Variants in GIMAP4 observed in about 807,000 individuals in gnomAD.
The protein encoded by GIMAP4 is GTPase, IMAP family member 4, also known as GTPase IMAP family member 4.
GIMAP4 carries 12 observed loss-of-function variants against 10.8 expected under a neutral mutation model. The observed-to-expected ratio is 1.11, with a 90% CI of 0.71 to 1.81. GIMAP4 has a LOEUF of 1.81. Ranked by LOEUF, GIMAP4 falls within the 40% of genes most tolerant of loss-of-function variation. The pLI, the probability that GIMAP4 is intolerant of heterozygous loss-of-function variation, is 0.00. For synonymous variants in GIMAP4, 149 were observed against 147.2 expected, an observed-to-expected ratio of 1.01 and a Z score of -0.09; for missense variants, 412 against 404.6, an observed-to-expected ratio of 1.02 and a Z score of -0.16.
At chr7:150,569,994 G>T in intron 2 of GIMAP4, 35 bp downstream of exon 2, 1 of 1,368,484 alleles carries the variant, frequency 7.3e-7, no homozygotes, top group Non-Finnish European at 1.0e-6. Flanking sequence ...AGACCAGGCT[G>T]CAGGGAGGTT....
At chr7:150,568,679 G>A (rs773981483) in intron 1 of GIMAP4, among the ~76,000 whole-genome samples, 3 of 152,136 alleles carry the variant, frequency 2.0e-5, no homozygotes, top group Admixed American at 6.5e-5. Context: ...AACAATGATC[G>A]ATAACCATTC....
At position 150,572,199 on chromosome 7, in the gene GIMAP4, A is replaced by G; in HGVS notation, c.129A>G (p.Lys43=). 5 of 1,614,160 alleles carry G rather than the reference A, an allele frequency of 3.1e-6. No homozygotes were observed. The highest frequency in any genetic ancestry group is 4.2e-6 in the Non-Finnish European group (5 of 1,179,982). Residue 43 remains lysine, a synonymous_variant, in exon 3 of 3, where the codon AAA becomes AAG. Coordinates refer to ENST00000255945, the MANE Select transcript of GIMAP4 (RefSeq NM_018326.3). ...IVLVGKTGAG[K]SATGNSILGR... Reference sequence around the variant, plus strand: ...TAGTGGGTAAAACCGGAGCAGGAAAAAGTGCAACAGGAAACAGCATCCTTG... The same window carrying G: ...TAGTGGGTAAAACCGGAGCAGGAAAGAGTGCAACAGGAAACAGCATCCTTG...
In GIMAP4 at chr7:150,573,909, A is replaced by G. The variant is rs1563319761; in HGVS notation, c.*849A>G. On this transcript the variant is annotated 3_prime_UTR_variant, in exon 3 of 3. Transcript: ENST00000255945. ...CACACTTCTGCCCCCACTGCATTGA[A>G]TTTTTTGCTTATGTTGTTTATAATA... The G allele has an allele frequency of 6.6e-6, 1 of 152,090 alleles. No individual in the cohort carries two copies. The highest frequency in any genetic ancestry group is 6.6e-5 in the Admixed American group (1 of 15,266). 9.4% of individuals were successfully genotyped at this position (152,090 alleles called of 1,614,324 possible). A position where few individuals can be genotyped will look rare whatever the true frequency, so the allele number is the denominator to read the frequency against.
chr7:150,571,695 C>T (rs1487478013), intron 2 of GIMAP4, among the ~76,000 whole-genome samples: 7 of 152,114 alleles, frequency 4.6e-5, no homozygotes, highest in African/African-American at 2.4e-5. Flanking sequence ...GCAGGAGAAT[C>T]GCTTGAACCC....
In GIMAP4 at chr7:150,572,319, A is replaced by G; in HGVS notation, c.249A>G (p.Val83=). 2.5e-6 allele frequency: 4 copies of G among 1,614,134 alleles called. No homozygotes were observed. The highest frequency in any genetic ancestry group is 3.4e-6 in the Non-Finnish European group (4 of 1,179,968). ...CATGGAAGGAAACAGAACTTGTCGT[A>G]GTTGACACACCAGGCATTTTCGACA... ...SSSWKETELV[V]VDTPGIFDTE... is the part of the protein sequence containing the mutation. The change falls in exon 3 of 3, where the codon GTA becomes GTG. Residue 83 remains valine, a synonymous_variant. Transcript: ENST00000255945.
At chr7:150,569,379 A>T (rs1291296134) in intron 1 of GIMAP4, among the ~76,000 whole-genome samples, 2 of 151,986 alleles carry the variant, frequency 1.3e-5, no homozygotes, top group Non-Finnish European at 2.9e-5. Context: ...GTTGTAGATG[A>T]CCCCAAAGTT....
At chr7:150,571,197 TAA>T (rs1795724213) in intron 2 of GIMAP4, among the ~76,000 whole-genome samples, 1 of 152,146 alleles carries the variant, frequency 6.6e-6, no homozygotes, top group African/African-American at 2.4e-5. Context: ...TGATGCTAAC[TAA>T]AAATGTGAAC....
intron 2 of GIMAP4, among the ~76,000 whole-genome samples, chr7:150,570,564 G>T (rs888890065): frequency 6.6e-6 from 1 of 152,118 alleles, no homozygotes; most frequent in African/African-American, 2.4e-5. Flanking sequence ...CATTTAGTTG[G>T]TTCTTAATTC....
At position 150,573,352 on chromosome 7, in the gene GIMAP4, G is replaced by C. The variant is rs1795761485; in HGVS notation, c.*292G>C. 6 of 243,184 alleles carry C rather than the reference G, an allele frequency of 2.5e-5. No individual in the cohort carries two copies. The South Asian group carries it at 5.7e-4, about 23-fold the overall frequency. The allele number at this position is 243,184 out of a possible 1,614,324, so 15.1% of individuals were successfully genotyped here. A position where few individuals can be genotyped will look rare whatever the true frequency, so the allele number is the denominator to read the frequency against. On this transcript the variant is annotated 3_prime_UTR_variant, in exon 3 of 3. Transcript: ENST00000255945. Reference sequence around the variant, plus strand: ...AAAAGATGGCTCCAAGCTATGTCATGTTACCTGTAATAAAATCTTTTCTTC... The same window carrying C: ...AAAAGATGGCTCCAAGCTATGTCATCTTACCTGTAATAAAATCTTTTCTTC...
intron 2 of GIMAP4, 118 bp downstream of exon 2, chr7:150,570,077 G>A (rs1278953747): frequency 4.3e-6 from 3 of 705,042 alleles, no homozygotes; most frequent in Non-Finnish European, 7.6e-6. Flanking sequence ...GTCCCCATTT[G>A]AGCAGGAGAA....
chr7:150,572,392 C>T lies in GIMAP4; in HGVS notation c.322C>T (p.Leu108Phe). ...GTCCAAGGAGATTATTCGCTGCATTCTTCTGACCTCCCCAGGGCCTCATGC... is the reference window on the plus strand; with the variant it reads ...GTCCAAGGAGATTATTCGCTGCATTTTTCTGACCTCCCCAGGGCCTCATGC... ...ETSKEIIRCI[L>F]LTSPGPHALL... Residue 108 changes from leucine to phenylalanine, a missense_variant, in exon 3 of 3, where the codon CTT becomes TTT. Transcript: ENST00000255945. 1 of 1,614,112 alleles carries T rather than the reference C, an allele frequency of 6.2e-7. No individual in the cohort carries two copies. The highest frequency in any genetic ancestry group is 8.5e-7 in the Non-Finnish European group (1 of 1,179,984).
Position 150,572,789 on chromosome 7 carries a change from T to A in GIMAP4, c.719T>A (p.Met240Lys), listed in dbSNP as rs766283722. Reference protein sequence around the residue: ...EEEIQKQTQAMQELHRVELER... With the variant: ...EEEIQKQTQAKQELHRVELER... The stretch of plus-strand genomic sequence containing the variant: ...GAGATCCAGAAGCAAACACAAGCAA[T>A]GCAAGAACTCCACAGAGTGGAGCTG... Residue 240 changes from methionine (M) to lysine (K), a missense_variant, in exon 3 of 3, where the codon ATG (methionine) becomes AAG (lysine). Transcript: ENST00000255945. 6.2e-7 allele frequency: 1 copy of A among 1,613,774 alleles called. No homozygotes were observed. Among genetic ancestry groups the A allele is most frequent in the South Asian group, 1.1e-5 (1 of 91,068 alleles).
chr7:150,570,845 C>T (rs1009275563), intron 2 of GIMAP4, among the ~76,000 whole-genome samples: 2 of 152,160 alleles, frequency 1.3e-5, no homozygotes, highest in African/African-American at 4.8e-5. Flanking sequence ...TGCATAAGCA[C>T]TTTTGGAGTC....
At chr7:150,570,110 C>G in intron 2 of GIMAP4, 151 bp downstream of exon 2, 2 of 646,428 alleles carry the variant, frequency 3.1e-6, no homozygotes. Context: ...CCTCTTTTCT[C>G]ATTTTCTCCT....
Position 150,572,919 on chromosome 7 carries a change from A to G in GIMAP4, c.849A>G (p.Leu283=), listed in dbSNP as rs755436943. The G allele has an allele frequency of 6.2e-7, 1 of 1,614,160 alleles. No individual in the cohort carries two copies. The highest frequency in any genetic ancestry group is 2.2e-5 in the East Asian group (1 of 44,856). The change falls in exon 3 of 3, where the codon CTA becomes CTG. Residue 283 remains leucine, a synonymous_variant. Coordinates refer to ENST00000255945, the MANE Select transcript of GIMAP4 (RefSeq NM_018326.3). ...GAAAGAAGCAAATGGAGAAGAAACTAGCAGAACAGGAGGCTCACTATGCTG... is the reference window on the plus strand; with the variant it reads ...GAAAGAAGCAAATGGAGAAGAAACTGGCAGAACAGGAGGCTCACTATGCTG... ...EKRKKQMEKK[L]AEQEAHYAVR... is the part of the protein sequence containing the mutation.
intron 1 of GIMAP4, among the ~76,000 whole-genome samples, chr7:150,568,864 G>C (rs1378227608): frequency 3.9e-5 from 6 of 152,218 alleles, no homozygotes; most frequent in African/African-American, 1.4e-4. Flanking sequence ...TCATAACAGA[G>C]GGTGTTGCTG....
At chr7:150,567,603 T>G (rs1328211418) in intron 1 of GIMAP4, 166 bp downstream of exon 1, 3 of 152,202 alleles carry the variant, frequency 2.0e-5, no homozygotes, top group Non-Finnish European at 2.9e-5. Flanking sequence ...TTTTCAAGGC[T>G]GAGCCCTACA....
intron 1 of GIMAP4, among the ~76,000 whole-genome samples, 157 bp from the exon 2 acceptor site, chr7:150,569,731 A>G (rs1795706409): frequency 6.6e-6 from 1 of 152,182 alleles, no homozygotes; most frequent in Non-Finnish European, 1.5e-5. Flanking sequence ...AATGAAACTG[A>G]AAATGGAGGG....
At chr7:150,572,030 C>G (rs1163969567) in intron 2 of GIMAP4, 99 bp from the exon 3 acceptor site, 5 of 726,318 alleles carry the variant, frequency 6.9e-6, no homozygotes, top group Non-Finnish European at 1.2e-5. Context: ...GCCCCCACAG[C>G]CAGTAACGGA....
Sources: gnomAD v4.1 joint callset for allele counts (sites outside exome capture counted in the v4.1 genomes callset) on GRCh38, gnomAD v4.1.1 for gene constraint, MANE v1.5 for transcripts, NCBI Gene and HGNC (gene_info 2026-07-23, HGNC 2026-07-21) for gene names.